NAALADL2: variants seen among roughly 807,000 people sequenced by gnomAD.
NAALADL2 encodes the protein N-acetylated alpha-linked acidic dipeptidase like 2.
Under a neutral mutation model 87.2 loss-of-function variants are expected in NAALADL2, and 76 were observed. The ratio of observed to expected loss-of-function variants is 0.87; its 90% confidence interval spans 0.72 to 1.05. The LOEUF is 1.05. NAALADL2 is among the 50% of genes least tolerant of loss of function. The probability of loss-of-function intolerance (pLI) is 0.00; values close to 1 mark genes in which losing one functional copy is unlikely to be tolerated. For synonymous variants in NAALADL2, 354 were observed against 331.0 expected (o/e 1.07, Z -0.75); for missense variants, 1,089 against 945.8 (o/e 1.15, Z -1.99).
At chr3:174,870,282 C>T (rs775042243) in intron 1 of NAALADL2, among the ~76,000 whole-genome samples, 2 of 152,212 alleles carry the variant, frequency 1.3e-5, no homozygotes, top group Non-Finnish European at 2.9e-5. Flanking sequence ...CATTTCATTA[C>T]CAACCCATCC....
At chr3:175,718,644 C>T (rs1175374944) in intron 11 of NAALADL2, 56 of 1,586,608 alleles carry the variant, frequency 3.5e-5, no homozygotes, top group Non-Finnish European at 4.7e-5. Flanking sequence ...GGGACTTTTA[C>T]TCCCGAGCCC....
intron 1 of NAALADL2, among the ~76,000 whole-genome samples, chr3:175,033,693 C>T (rs1425345860): frequency 2.0e-5 from 3 of 152,062 alleles, no homozygotes; most frequent in African/African-American, 7.2e-5. Flanking sequence ...CTGGCTGCTC[C>T]TTTTCTTATT....
intron 1 of NAALADL2, among the ~76,000 whole-genome samples, chr3:174,476,419 G>A (rs768525849): frequency 1.2e-4 from 18 of 151,774 alleles, no homozygotes; most frequent in South Asian, 2.1e-4. Flanking sequence ...GTCCTGTGGT[G>A]TTTTACTCTT....
chr3:175,721,691 C>T (rs1256209236), intron 11 of NAALADL2, among the ~76,000 whole-genome samples: 1 of 151,992 alleles, frequency 6.6e-6, no homozygotes, highest in Non-Finnish European at 1.5e-5. Context: ...TCTACTATCA[C>T]AATGTAAAAT....
chr3:174,845,918 A>T (rs1480600756), intron 3 of NAALADL2, among the ~76,000 whole-genome samples: 2 of 152,150 alleles, frequency 1.3e-5, no homozygotes, highest in African/African-American at 4.8e-5. Context: ...CCAGGGCAGG[A>T]CGCGTTGCAC....
intron 3 of NAALADL2, among the ~76,000 whole-genome samples, chr3:174,741,664 A>G (rs1733776568): frequency 1.3e-5 from 2 of 151,672 alleles, no homozygotes; most frequent in African/African-American, 2.4e-5. Context: ...TAAAGGGGAA[A>G]AACTCCAACT....
chr3:174,581,578 G>A (rs757113031), intron 2 of NAALADL2, among the ~76,000 whole-genome samples: 16 of 152,142 alleles, frequency 1.1e-4, no homozygotes, highest in East Asian at 3.9e-4. Context: ...GAATTGATAC[G>A]TAGGATAATA....
chr3:175,489,897 A>G (rs938371984), intron 9 of NAALADL2, among the ~76,000 whole-genome samples: 3 of 152,132 alleles, frequency 2.0e-5, no homozygotes, highest in African/African-American at 7.2e-5. Flanking sequence ...ATGACAATCG[A>G]CATTTTTGCT....
intron 10 of NAALADL2, among the ~76,000 whole-genome samples, chr3:175,582,966 A>G (rs1719994885): frequency 6.6e-6 from 1 of 152,136 alleles, no homozygotes; most frequent in Non-Finnish European, 1.5e-5. Flanking sequence ...GCGTGGAGTC[A>G]ACTACATTCT....
chr3:174,737,827 A>G (rs1482780409), intron 3 of NAALADL2: 5 of 152,236 alleles, frequency 3.3e-5, no homozygotes, highest in Admixed American at 6.5e-5. Flanking sequence ...ATGTATTTCT[A>G]TAGTGTGCCA....
intron 5 of NAALADL2, among the ~76,000 whole-genome samples, chr3:175,383,364 T>C (rs1294286042): frequency 6.6e-6 from 1 of 152,026 alleles, no homozygotes; most frequent in Non-Finnish European, 1.5e-5. Flanking sequence ...CTATACGTTA[T>C]GGAATGATTA....
chr3:174,976,683 A>C (rs560488549), intron 1 of NAALADL2, among the ~76,000 whole-genome samples: 2 of 152,224 alleles, frequency 1.3e-5, no homozygotes, highest in Non-Finnish European at 2.9e-5. Context: ...AGAAACTACC[A>C]TCAAATACAT....
At chr3:174,456,377 C>CA (rs1321591153) in intron 1 of NAALADL2, among the ~76,000 whole-genome samples, 2 of 72,724 alleles carry the variant, frequency 2.8e-5, no homozygotes, top group African/African-American at 6.0e-5. Flanking sequence ...CCTATGGATC[C>CA]AAAAAGAGAA....
chr3:175,088,090 GA>G (rs1560009676), intron 1 of NAALADL2, among the ~76,000 whole-genome samples: 1 of 151,962 alleles, frequency 6.6e-6, no homozygotes, highest in Non-Finnish European at 1.5e-5. Context: ...TAATATATAT[GA>G]TCTTTAGTTT....
intron 1 of NAALADL2, among the ~76,000 whole-genome samples, chr3:174,925,614 A>T (rs1735900407): frequency 6.6e-6 from 1 of 152,170 alleles, no homozygotes; most frequent in South Asian, 2.1e-4. Flanking sequence ...GAAGAAAGTC[A>T]TTGGTAGCTT....
intron 12 of NAALADL2, among the ~76,000 whole-genome samples, chr3:175,753,107 TAATG>T (rs1012108528): frequency 2.0e-5 from 3 of 152,142 alleles, no homozygotes; most frequent in Admixed American, 6.6e-5. Flanking sequence ...ACAAGATAAT[TAATG>T]AATCTGAAAT....
chr3:175,693,463 A>G (rs1343359835), intron 11 of NAALADL2, among the ~76,000 whole-genome samples: 1 of 152,170 alleles, frequency 6.6e-6, no homozygotes, highest in Non-Finnish European at 1.5e-5. Context: ...ATTACTGACC[A>G]GGACCCAAGG....
Position 175,372,520 on chromosome 3 carries a change from A to T in NAALADL2, c.1090+48195A>T, listed in dbSNP as rs372226585. ...CTCTGTCTTTTCCTCATGGTTGCTG[A>T]TAAAGGCTGAAGCTATAGTCATCAT... On this transcript the variant is annotated intron_variant, in intron 5 of 13. Transcript: ENST00000454872. Among the ~76,000 whole-genome samples, 12 of 152,342 alleles carry T rather than the reference A, an allele frequency of 7.9e-5. No homozygotes were observed. The East Asian group carries it at 2.3e-3, about 29-fold the overall frequency.
chr3:174,454,464 T>C (rs1290649306), intron 1 of NAALADL2, among the ~76,000 whole-genome samples: 2 of 152,082 alleles, frequency 1.3e-5, no homozygotes, highest in East Asian at 3.9e-4. Context: ...TTACACATAC[T>C]CTAAAGTCGA....
Sources: allele counts gnomAD v4.1 joint callset (sites outside exome capture counted in the v4.1 genomes callset), GRCh38; gene constraint gnomAD v4.1.1; transcripts MANE v1.5; gene names NCBI Gene and HGNC (gene_info 2026-07-23, HGNC 2026-07-21).